The following ZNF846 variants were observed in gnomAD, a reference collection of about 807,000 sequenced individuals.
ZNF846 encodes zinc finger protein 846, also known as zinc finger protein 420 pseudogene.
Under a neutral mutation model 16.0 loss-of-function variants are expected in ZNF846, and 15 were observed. The observed-to-expected ratio is 0.94, with a 90% CI of 0.63 to 1.45. The LOEUF is 1.45. ZNF846 is among the 40% of genes most tolerant of loss of function. The pLI is 0.00. For missense variants in ZNF846, 714 were observed against 622.3 expected, an observed-to-expected ratio of 1.15 and a Z score of -1.57; for synonymous variants, 229 against 212.0, an observed-to-expected ratio of 1.08 and a Z score of -0.70.
intron 1 of ZNF846, among the ~76,000 whole-genome samples, chr19:9,765,712 C>A (rs1405311795): frequency 6.6e-6 from 1 of 152,032 alleles, no homozygotes; most frequent in Non-Finnish European, 1.5e-5. Flanking sequence ...CATTTCCATA[C>A]CCTGCATTGC....
chr19:9,772,598 G>GA (rs58605747), upstream of ZNF846, among the ~76,000 whole-genome samples: 1,606 of 131,682 alleles, frequency 0.012, 12 homozygotes, highest in African/African-American at 0.033. Flanking sequence ...CTCCGTCTCA[G>GA]AAAAAAAAAA....
downstream of ZNF846, chr19:9,757,416 C>A: frequency 7.3e-7 from 1 of 1,373,586 alleles, no homozygotes; most frequent in Non-Finnish European, 9.8e-7. Context: ...TATTCTTTAC[C>A]TTCCTATGAT....
At chr19:9,755,799 C>CAAA (rs538572391), downstream of ZNF846, among the ~76,000 whole-genome samples, 105 of 24,696 alleles carry the variant, frequency 4.3e-3, 6 homozygotes, top group African/African-American at 8.1e-3. Flanking sequence ...GACTCCGTCT[C>CAAA]AAAAAAAAAA....
intron 2 of ZNF846, 113 bp downstream of exon 2, chr19:9,764,808 ACCTGGGGAGTTATTT>A: frequency 8.9e-7 from 1 of 1,122,540 alleles, no homozygotes; most frequent in East Asian, 2.4e-5. Context: ...AGAGAAATTC[ACCTGGGGAGTTATTT>A]CCTGAGCAGG....
intron 1 of ZNF846, among the ~76,000 whole-genome samples, chr19:9,784,904 T>TG (rs1174353070): frequency 6.6e-6 from 1 of 152,198 alleles, no homozygotes; most frequent in East Asian, 1.9e-4. Context: ...AGCACAGGGT[T>TG]GGGGCTAAGG....
At chr19:9,765,538 C>T (rs1401763898) in intron 1 of ZNF846, among the ~76,000 whole-genome samples, 5 of 152,006 alleles carry the variant, frequency 3.3e-5, no homozygotes, top group Middle Eastern at 3.4e-3. Flanking sequence ...CTGGGCATGG[C>T]GGCGTGTGCC....
chr19:9,764,963 A>G (rs1426734800), exon 2 of ZNF846: 12 of 1,614,082 alleles, frequency 7.4e-6, no homozygotes, highest in Non-Finnish European at 1.0e-5. Flanking sequence ...GTAATCCATC[A>G]GTAACCCAGC....
exon 6 of ZNF846, chr19:9,757,689 G>A (rs2045154280): frequency 6.2e-7 from 1 of 1,613,458 alleles, no homozygotes; most frequent in Non-Finnish European, 8.5e-7. Flanking sequence ...ATTAAGATTT[G>A]TGGAACGAGC....
At chr19:9,776,378 C>G (rs1177760481) in intron 1 of ZNF846, among the ~76,000 whole-genome samples, 2 of 152,186 alleles carry the variant, frequency 1.3e-5, no homozygotes, top group African/African-American at 2.4e-5. Context: ...GCTCTGCCTT[C>G]TAGATAGCAG....
At chr19:9,754,091 TTGA>T (rs1311388023), downstream of ZNF846, among the ~76,000 whole-genome samples, 2 of 151,746 alleles carry the variant, frequency 1.3e-5, no homozygotes, top group African/African-American at 4.9e-5. Context: ...TTTTATCTTC[TTGA>T]TGAATTTTAC....
At chr19:9,772,437 TA>T (rs996560919), upstream of ZNF846, among the ~76,000 whole-genome samples, 5 of 151,794 alleles carry the variant, frequency 3.3e-5, no homozygotes, top group Non-Finnish European at 7.4e-5. Flanking sequence ...CTGTCTCTAC[TA>T]AAAATACAAA....
chr19:9,759,293 T>C (rs2045184156), intron 5 of ZNF846, among the ~76,000 whole-genome samples: 1 of 150,364 alleles, frequency 6.7e-6, no homozygotes, highest in South Asian at 2.2e-4. Flanking sequence ...CCACAATACA[T>C]CTGAGAATTA....
At chr19:9,754,389 C>T (rs918611184), downstream of ZNF846, among the ~76,000 whole-genome samples, 6 of 151,006 alleles carry the variant, frequency 4.0e-5, no homozygotes, top group Admixed American at 1.3e-4. Flanking sequence ...CATGGCAAAA[C>T]CCTGTCTCTA....
upstream of ZNF846, among the ~76,000 whole-genome samples, chr19:9,769,980 CAAA>C (rs765094580): frequency 1.3e-4 from 10 of 78,114 alleles, no homozygotes; most frequent in African/African-American, 1.6e-4. Flanking sequence ...GACTCCGTCT[CAAA>C]AAAAAAAAAA....
exon 6 of ZNF846, chr19:9,758,050 A>C: frequency 6.2e-7 from 1 of 1,613,476 alleles, no homozygotes; most frequent in East Asian, 2.2e-5. Context: ...GCTTTTCCAC[A>C]CTCCTTACAT....
rs557491530 is a variant in ZNF846, at chr19:9,781,921, G to T, written c.-86+4017C>A. Among the ~76,000 whole-genome samples the T allele has an allele frequency of 2.0e-5, 3 of 151,884 alleles. No homozygotes were observed. The East Asian group carries it at 5.8e-4, about 30-fold the overall frequency. On this transcript the variant is annotated intron_variant, in intron 1 of 4. Coordinates refer to the ZNF846 transcript ENST00000586814. ...GCCTCCCAAGTAGCTGGGATTACAG[G>T]TGCACATCACCATGCCCTGCTAATT...
At chr19:9,782,511 A>T (rs2045512195) in intron 1 of ZNF846, among the ~76,000 whole-genome samples, 1 of 151,412 alleles carries the variant, frequency 6.6e-6, no homozygotes, top group South Asian at 2.1e-4. Flanking sequence ...AGTCCTCCCG[A>T]CTCAGCCTCC....
chr19:9,779,284 T>C (rs56665226), intron 1 of ZNF846, among the ~76,000 whole-genome samples: 5,606 of 152,120 alleles, frequency 0.037, 355 homozygotes, highest in African/African-American at 0.13. Flanking sequence ...TTATTTATTT[T>C]TGAGACTGAG....
intron 2 of ZNF846, among the ~76,000 whole-genome samples, chr19:9,764,122 C>T (rs1232838027): frequency 6.6e-6 from 1 of 152,182 alleles, no homozygotes; most frequent in African/African-American, 2.4e-5. Context: ...GAATGCGACC[C>T]TTGTGGAGAG....
Sources: gnomAD v4.1 joint callset for allele counts (sites outside exome capture counted in the v4.1 genomes callset) on GRCh38, gnomAD v4.1.1 for gene constraint, MANE v1.5 for transcripts, NCBI Gene and HGNC (gene_info 2026-07-23, HGNC 2026-07-21) for gene names.